The following RIT2 variants were observed in gnomAD, a reference collection of about 807,000 sequenced individuals.
RIT2 encodes Ras like without CAAX 2.
In RIT2, 24 loss-of-function variants were observed where a neutral mutation model predicts 23.7. The ratio of observed to expected loss-of-function variants is 1.01; its 90% CI spans 0.73 to 1.43. The LOEUF (loss-of-function observed/expected upper bound fraction) is 1.43, where lower values mean the gene tolerates loss of function less well. Ranked by LOEUF, RIT2 falls within the 40% of genes most tolerant of loss-of-function variation. The probability of loss-of-function intolerance (pLI) is 0.00; values close to 1 mark genes in which losing one functional copy is unlikely to be tolerated. For missense variants in RIT2, 236 were observed against 266.9 expected (o/e 0.88, Z 0.81); for synonymous variants, 107 against 91.1 (o/e 1.17, Z -0.99).
chr18:42,788,497 T>C (rs1913970786), intron 4 of RIT2, among the ~76,000 whole-genome samples: 1 of 152,220 alleles, frequency 6.6e-6, no homozygotes, highest in Non-Finnish European at 1.5e-5. Flanking sequence ...TATCCATGAA[T>C]TGTTTTGAAA....
chr18:43,006,048 A>G lies in RIT2; in HGVS notation c.160+27763T>C, dbSNP rs983249139. ...GCCCACGCTGAGAATAAACTTTTGG[A>G]AAAAAAAAATTGAGAATAACAGGCT... is the stretch of plus-strand genomic sequence containing the variant. On this transcript the variant is annotated intron_variant, in intron 2 of 4. Coordinates refer to ENST00000326695, the MANE Select transcript of RIT2 (RefSeq NM_002930.4). 1.3e-5 allele frequency among the ~76,000 whole-genome samples: 2 copies of G among 149,866 alleles called. 1 individual carries two copies. Among genetic ancestry groups the G allele is most frequent in the South Asian group, 4.2e-4 (2 of 4,760 alleles).
chr18:43,103,716 TA>T (rs1913742396), intron 1 of RIT2, among the ~76,000 whole-genome samples: 1 of 152,100 alleles, frequency 6.6e-6, no homozygotes, highest in Admixed American at 6.5e-5. Context: ...AAAAGTAAAA[TA>T]GTTTGTCTAG....
chr18:42,933,421 G>A (rs191235254), intron 3 of RIT2, among the ~76,000 whole-genome samples: 4 of 152,238 alleles, frequency 2.6e-5, no homozygotes, highest in African/African-American at 9.6e-5. Flanking sequence ...TGGTTTGGCT[G>A]TGTCCTGGAC....
In RIT2 at chr18:42,998,600, C is replaced by G. The variant is rs142569859; in HGVS notation, c.161-24453G>C. Among the ~76,000 whole-genome samples, 380 of 152,020 alleles carry G rather than the reference C, an allele frequency of 2.5e-3. 1 individual carries two copies. The highest frequency in any genetic ancestry group is 8.6e-3 in the African/African-American group (357 of 41,466). On this transcript the variant is annotated intron_variant, in intron 2 of 4. Transcript: ENST00000326695. ...TGATTCTAATGTGCAGCCAGAGGTA[C>G]AAATCACTGAACTAAAGGAATAAAG...
chr18:42,876,597 T>A (rs1907749258), intron 4 of RIT2, among the ~76,000 whole-genome samples: 1 of 151,876 alleles, frequency 6.6e-6, no homozygotes, highest in Admixed American at 6.6e-5. Context: ...TTACTGAAAT[T>A]GTAAAGTTAG....
chr18:42,813,479 T>C (rs1173794461), intron 4 of RIT2, among the ~76,000 whole-genome samples: 7 of 152,108 alleles, frequency 4.6e-5, no homozygotes, highest in African/African-American at 1.7e-4. Context: ...TTAATAATAA[T>C]ATAAAAATTA....
chr18:42,928,626 A>T (rs951449050), intron 3 of RIT2, among the ~76,000 whole-genome samples: 3 of 152,006 alleles, frequency 2.0e-5, no homozygotes, highest in Non-Finnish European at 4.4e-5. Flanking sequence ...AAAATTATAA[A>T]GGATTAAAGT....
chr18:42,791,255 C>T (rs1047471347), intron 4 of RIT2, among the ~76,000 whole-genome samples: 1 of 152,090 alleles, frequency 6.6e-6, no homozygotes, highest in Non-Finnish European at 1.5e-5. Context: ...CTACACCAAC[C>T]CCAGACAAAT....
chr18:43,026,343 C>G (rs547867316), intron 2 of RIT2, among the ~76,000 whole-genome samples: 11 of 152,048 alleles, frequency 7.2e-5, no homozygotes, highest in African/African-American at 2.4e-4. Flanking sequence ...ATCACGAGAT[C>G]AAGAGATTGA....
chr18:42,802,672 C>T (rs1180724066), intron 4 of RIT2, among the ~76,000 whole-genome samples: 1 of 152,114 alleles, frequency 6.6e-6, no homozygotes, highest in African/African-American at 2.4e-5. Context: ...AGTGGCTTTT[C>T]AAACCACATA....
chr18:42,775,646 T>G (rs1475885980), intron 4 of RIT2, among the ~76,000 whole-genome samples: 7 of 151,564 alleles, frequency 4.6e-5, no homozygotes, highest in Middle Eastern at 6.8e-3. Flanking sequence ...GCAGTGAGCC[T>G]AGATCGCGCC....
intron 1 of RIT2, among the ~76,000 whole-genome samples, chr18:43,047,375 G>T (rs1017377173): frequency 2.6e-5 from 4 of 151,838 alleles, no homozygotes; most frequent in African/African-American, 9.7e-5. Flanking sequence ...TCAAATTATA[G>T]AATTAAAAAT....
intron 1 of RIT2, among the ~76,000 whole-genome samples, chr18:43,076,719 G>C (rs545296815): frequency 6.6e-6 from 1 of 152,266 alleles, no homozygotes; most frequent in South Asian, 2.1e-4. Context: ...AGGCAGAGAA[G>C]ACTCATGATA....
intron 1 of RIT2, among the ~76,000 whole-genome samples, chr18:43,051,998 C>T (rs1176755012): frequency 6.6e-6 from 1 of 152,046 alleles, no homozygotes; most frequent in Non-Finnish European, 1.5e-5. Flanking sequence ...GACACAGAGT[C>T]AGAGAATATA....
intron 4 of RIT2, among the ~76,000 whole-genome samples, chr18:42,865,145 A>G (rs763116806): frequency 6.6e-6 from 1 of 152,204 alleles, no homozygotes; most frequent in Non-Finnish European, 1.5e-5. Flanking sequence ...CTTTGTAACA[A>G]TCCCTCACAA....
intron 2 of RIT2, among the ~76,000 whole-genome samples, chr18:42,991,174 A>T (rs1289127425): frequency 6.6e-6 from 1 of 152,166 alleles, no homozygotes; most frequent in African/African-American, 2.4e-5. Context: ...CATGATTGAG[A>T]CAGAAGCAGC....
intron 2 of RIT2, among the ~76,000 whole-genome samples, chr18:42,999,677 T>C (rs540815388): frequency 3.3e-5 from 5 of 152,128 alleles, no homozygotes; most frequent in East Asian, 1.9e-4. Context: ...CATGAAATCA[T>C]TGAGGATTTT....
chr18:42,967,654 G>C (rs1198622753), intron 3 of RIT2, among the ~76,000 whole-genome samples: 1 of 144,072 alleles, frequency 6.9e-6, no homozygotes, highest in Non-Finnish European at 1.5e-5. Context: ...GCCTCCCAAA[G>C]TACTGGGATT....
intron 1 of RIT2, among the ~76,000 whole-genome samples, chr18:43,039,117 G>A (rs1234968479): frequency 6.6e-6 from 1 of 152,018 alleles, no homozygotes; most frequent in Admixed American, 6.6e-5. Context: ...TCTGTTTACT[G>A]TCAAGGACAT....
Sources: gnomAD v4.1 joint callset for allele counts (sites outside exome capture counted in the v4.1 genomes callset) on GRCh38, gnomAD v4.1.1 for gene constraint, MANE v1.5 for transcripts, NCBI Gene and HGNC (gene_info 2026-07-23, HGNC 2026-07-21) for gene names.